VIPR2: variants seen among roughly 807,000 people sequenced by gnomAD.
The protein encoded by VIPR2 is vasoactive intestinal peptide receptor 2.
In VIPR2, 48 loss-of-function variants were observed where a neutral mutation model predicts 58.0. That is an observed-to-expected ratio of 0.83 (90% CI 0.66 to 1.05). VIPR2 has a LOEUF of 1.05. Ranked by LOEUF, VIPR2 falls within the 50% of genes least tolerant of loss-of-function variation. The pLI is 0.00. For missense variants in VIPR2, 534 were observed against 558.0 expected (o/e 0.96, Z 0.43); for synonymous variants, 243 against 235.2 (o/e 1.03, Z -0.30).
chr7:159,095,892 T>C lies in VIPR2; in HGVS notation c.357+7865A>G, dbSNP rs1439176171. On this transcript the variant is annotated intron_variant, in intron 4 of 12. Coordinates refer to ENST00000262178, the MANE Select transcript of VIPR2 (RefSeq NM_003382.5). The surrounding 1 kb of genome is among the most constrained non-coding windows in gnomAD (Gnocchi z 5.2). ...TTCCACACTTTCTTCAATACAGTTGTTTCTGAGGACCATAAATGCTGAGTC... is the reference window on the plus strand; with the variant it reads ...TTCCACACTTTCTTCAATACAGTTGCTTCTGAGGACCATAAATGCTGAGTC... Among the ~76,000 whole-genome samples the C allele has an allele frequency of 6.6e-6, 1 of 152,206 alleles. No individual in the cohort carries two copies. The highest frequency in any genetic ancestry group is 1.9e-4 in the East Asian group (1 of 5,190).
intron 4 of VIPR2, among the ~76,000 whole-genome samples, chr7:159,088,934 C>T (rs1370203413): frequency 0.018 from 132 of 7,320 alleles, 2 homozygotes; most frequent in Non-Finnish European, 0.019. Context: ...CAGGCCTCGG[C>T]TCCTCATCTG....
At chr7:159,068,169 A>G (rs1856193331) in intron 4 of VIPR2, among the ~76,000 whole-genome samples, 1 of 152,182 alleles carries the variant, frequency 6.6e-6, no homozygotes, top group Admixed American at 6.5e-5. Context: ...ACCCTGCCCC[A>G]ACAGTGTGTA....
chr7:159,138,013 A>G (rs568643992), intron 2 of VIPR2, among the ~76,000 whole-genome samples: 1 of 152,356 alleles, frequency 6.6e-6, no homozygotes, highest in East Asian at 1.9e-4. Flanking sequence ...TCTGGAGCAT[A>G]ACACAGTGAT....
chr7:159,131,864 G>A lies in VIPR2; in HGVS notation c.151+10582C>T, dbSNP rs558739663. On this transcript the variant is annotated intron_variant, in intron 2 of 12. Transcript: ENST00000262178. ...CCTTGACTGATTTGCAGACATAAGCGACACTTAACCTGAGCCATTTCTTGT... is the reference window on the plus strand; with the variant it reads ...CCTTGACTGATTTGCAGACATAAGCAACACTTAACCTGAGCCATTTCTTGT... 3.3e-5 allele frequency among the ~76,000 whole-genome samples: 5 copies of A among 152,308 alleles called. No individual in the cohort carries two copies. In the East Asian group the frequency reaches 9.6e-4, roughly 29 times the overall value.
chr7:159,131,617 C>T (rs1292297217), intron 2 of VIPR2, among the ~76,000 whole-genome samples: 1 of 152,206 alleles, frequency 6.6e-6, no homozygotes, highest in Non-Finnish European at 1.5e-5. Flanking sequence ...CTGAAGACCT[C>T]TTCAGAAAAG....
intron 4 of VIPR2, among the ~76,000 whole-genome samples, chr7:159,090,146 C>T (rs1451661047): frequency 8.0e-5 from 10 of 124,640 alleles, no homozygotes; most frequent in African/African-American, 2.2e-4. Flanking sequence ...CACGCTGGGA[C>T]CACACACAGG....
chr7:159,079,375 G>T (rs898727678), intron 4 of VIPR2, among the ~76,000 whole-genome samples: 2 of 152,032 alleles, frequency 1.3e-5, no homozygotes, highest in African/African-American at 2.4e-5. Flanking sequence ...TGACTACTGG[G>T]TACATAACGA....
chr7:159,051,891 G>T (rs906521222), intron 5 of VIPR2, among the ~76,000 whole-genome samples: 3 of 152,144 alleles, frequency 2.0e-5, no homozygotes, highest in African/African-American at 7.2e-5. Flanking sequence ...TATAGTTGGA[G>T]ATTTTAATAC....
At chr7:159,082,471 G>A (rs924176734) in intron 4 of VIPR2, among the ~76,000 whole-genome samples, 8 of 152,134 alleles carry the variant, frequency 5.3e-5, no homozygotes, top group African/African-American at 1.7e-4. Flanking sequence ...GTTGTGGGGT[G>A]GTGGGGTCGT....
chr7:159,120,682 C>T lies in VIPR2; in HGVS notation c.152-10763G>A, dbSNP rs141848981. ...TCACGTTGGCACCACTGCATAGTAACAGGCTAGTGTGCAGCCTGGGTGGCA... is the reference window on the plus strand; with the variant it reads ...TCACGTTGGCACCACTGCATAGTAATAGGCTAGTGTGCAGCCTGGGTGGCA... On this transcript the variant is annotated intron_variant, in intron 2 of 12. Transcript: ENST00000262178. 1.4e-3 allele frequency among the ~76,000 whole-genome samples: 215 copies of T among 152,298 alleles called. 1 individual carries two copies. The highest frequency in any genetic ancestry group is 5.0e-3 in the African/African-American group (209 of 41,572).
chr7:159,084,676 G>A (rs181643329), intron 4 of VIPR2, among the ~76,000 whole-genome samples: 72 of 152,306 alleles, frequency 4.7e-4, no homozygotes, highest in Non-Finnish European at 1.0e-4. Flanking sequence ...CCTCTTATGG[G>A]TCCCCGGAGC....
At chr7:159,033,450 T>C (rs1013533589) in intron 10 of VIPR2, among the ~76,000 whole-genome samples, 4 of 152,166 alleles carry the variant, frequency 2.6e-5, no homozygotes, top group African/African-American at 7.2e-5. Flanking sequence ...ACCAAGCCAG[T>C]GTTTAGTTTA....
chr7:159,049,553 G>T (rs1469162862), intron 5 of VIPR2, among the ~76,000 whole-genome samples: 2 of 152,238 alleles, frequency 1.3e-5, no homozygotes, highest in South Asian at 2.1e-4. Context: ...GCAGAAACGG[G>T]AGATAAGGGC....
chr7:159,070,899 A>T (rs1176399261), intron 4 of VIPR2, among the ~76,000 whole-genome samples: 1 of 152,238 alleles, frequency 6.6e-6, no homozygotes, highest in Non-Finnish European at 1.5e-5. Context: ...GTGCTGAAGC[A>T]CACGCAGGTG....
chr7:159,094,411 C>T (rs546932537), intron 4 of VIPR2, among the ~76,000 whole-genome samples: 2 of 152,330 alleles, frequency 1.3e-5, no homozygotes, highest in East Asian at 3.9e-4. Context: ...CCTCAGGAGC[C>T]CTTGGAGCCC....
chr7:159,140,716 G>A (rs1387389392), intron 2 of VIPR2, among the ~76,000 whole-genome samples: 1 of 152,218 alleles, frequency 6.6e-6, no homozygotes, highest in Non-Finnish European at 1.5e-5. Context: ...ACCCGCTCAA[G>A]CTGGCGTGGG....
At chr7:159,039,623 G>A (rs1016166087) in intron 6 of VIPR2, among the ~76,000 whole-genome samples, 1 of 152,204 alleles carries the variant, frequency 6.6e-6, no homozygotes, top group East Asian at 1.9e-4. Context: ...GATGGGATTA[G>A]TGCCCCTGTA....
intron 2 of VIPR2, among the ~76,000 whole-genome samples, chr7:159,129,394 C>T (rs75307432): frequency 0.021 from 1,119 of 53,432 alleles, no homozygotes; most frequent in African/African-American, 0.049. Flanking sequence ...TGGCCTCTGG[C>T]GGGGACAGGG....
chr7:159,074,479 C>T (rs553862738), intron 4 of VIPR2, among the ~76,000 whole-genome samples: 1 of 152,254 alleles, frequency 6.6e-6, no homozygotes, highest in East Asian at 1.9e-4. Flanking sequence ...GCCCCTTGTC[C>T]CTCCACTGTG....
Sources: gnomAD v4.1 joint callset for allele counts (sites outside exome capture counted in the v4.1 genomes callset) on GRCh38, gnomAD v4.1.1 for gene constraint, Gnocchi (gnomAD v3.1) non-coding constraint, MANE v1.5 for transcripts, NCBI Gene and HGNC (gene_info 2026-07-23, HGNC 2026-07-21) for gene names.